Variants in RNF152 observed in about 807,000 individuals in gnomAD.
RNF152 encodes the protein E3 ubiquitin-protein ligase RNF152.
RNF152 carries 11 observed loss-of-function variants against 12.7 expected under a neutral mutation model. The ratio of observed to expected loss-of-function variants is 0.86; its 90% confidence interval spans 0.54 to 1.43. The LOEUF (loss-of-function observed/expected upper bound fraction) is 1.43. RNF152 is among the 40% of genes most tolerant of loss of function. The pLI, the probability that RNF152 is intolerant of heterozygous loss-of-function variation, is 0.00. For synonymous variants in RNF152, 113 were observed against 120.3 expected, an observed-to-expected ratio of 0.94 and a Z score of 0.40; for missense variants, 255 against 274.8, an observed-to-expected ratio of 0.93 and a Z score of 0.51.
rs1909026923 is a variant in RNF152 at position 61,815,617 on chromosome 18, C to T, written c.*235G>A. 3 of 528,270 alleles carry T rather than the reference C, an allele frequency of 5.7e-6. No individual in the cohort carries two copies. The South Asian group carries it at 8.0e-5, about 14-fold the overall frequency. 32.7% of individuals were successfully genotyped at this position (528,270 alleles called of 1,614,324 possible). A position where few individuals can be genotyped will look rare whatever the true frequency, so the allele number is the denominator to read the frequency against. ...CATTGAATACATGATTATGAGGATG[C>T]ATGCAATCATCTTCCAAGCTGTTGC... On this transcript the variant is annotated 3_prime_UTR_variant, in exon 2 of 2. Coordinates refer to ENST00000312828, the MANE Select transcript of RNF152 (RefSeq NM_173557.3).
intron 1 of RNF152, among the ~76,000 whole-genome samples, chr18:61,843,865 G>C (rs1197609176): frequency 6.6e-6 from 1 of 151,932 alleles, no homozygotes; most frequent in South Asian, 2.1e-4. Context: ...AAAGAGTTAC[G>C]AAGATGGATG....
chr18:61,883,532 T>C (rs1284854832), intron 1 of RNF152, among the ~76,000 whole-genome samples: 1 of 152,148 alleles, frequency 6.6e-6, no homozygotes, highest in Non-Finnish European at 1.5e-5. Context: ...GTTAGATCTC[T>C]ACAAAGCCTG....
intron 1 of RNF152, among the ~76,000 whole-genome samples, chr18:61,835,870 C>A (rs1160311057): frequency 6.6e-6 from 1 of 152,116 alleles, no homozygotes; most frequent in Admixed American, 6.5e-5. Flanking sequence ...TATGCTAAAA[C>A]AAATAAGCAA....
At chr18:61,888,508 A>C (rs2144773219) in intron 1 of RNF152, 1 of 152,296 alleles carries the variant, frequency 6.6e-6, no homozygotes, top group Admixed American at 6.5e-5. Flanking sequence ...AAACTACATG[A>C]GATATTTGAT....
At chr18:61,849,581 T>C (rs1323820293) in intron 1 of RNF152, among the ~76,000 whole-genome samples, 1 of 152,176 alleles carries the variant, frequency 6.6e-6, no homozygotes, top group African/African-American at 2.4e-5. Context: ...AGAAAGAAAT[T>C]TCAAAATTTA....
rs866088510 is a variant in RNF152, at chr18:61,810,500, T to C, written c.*5352A>G. ...GTCTCTACTTTAAAAAATACAAAAT[T>C]AGCTGGGCATGGAGGCGCATGCCTA... On this transcript the variant is annotated 3_prime_UTR_variant, in exon 2 of 2. Coordinates refer to ENST00000312828, the MANE Select transcript of RNF152 (RefSeq NM_173557.3). The C allele has an allele frequency of 1.1e-4, 16 of 152,054 alleles. No individual in the cohort carries two copies. Among genetic ancestry groups the C allele is most frequent in the African/African-American group, 3.9e-4 (16 of 41,398 alleles). 9.4% of individuals were successfully genotyped at this position (152,054 alleles called of 1,614,324 possible).
At chr18:61,828,171 C>A (rs1178855866) in intron 1 of RNF152, among the ~76,000 whole-genome samples, 1 of 152,246 alleles carries the variant, frequency 6.6e-6, no homozygotes, top group Admixed American at 6.5e-5. Flanking sequence ...GCAGTTCATA[C>A]ATCTGCCCCT....
chr18:61,808,826 A>C lies in RNF152; in HGVS notation c.*7026T>G, dbSNP rs138187760. Reference sequence around the variant, plus strand: ...TAAGAGGATTCTAGAGTCTGTCTGCACTGACGTGGCAACCAACTCTAGAGC... The same window carrying C: ...TAAGAGGATTCTAGAGTCTGTCTGCCCTGACGTGGCAACCAACTCTAGAGC... On this transcript the variant is annotated 3_prime_UTR_variant, in exon 2 of 2. Coordinates refer to ENST00000312828, the MANE Select transcript of RNF152 (RefSeq NM_173557.3). 1.3e-5 allele frequency: 2 copies of C among 152,400 alleles called. No homozygotes were observed. Among genetic ancestry groups the C allele is most frequent in the East Asian group, 3.9e-4 (2 of 5,192 alleles). The allele number at this position is 152,400 out of a possible 1,614,324, so 9.4% of individuals were successfully genotyped here.
chr18:61,830,788 T>C (rs563785063), intron 1 of RNF152, among the ~76,000 whole-genome samples: 1 of 152,200 alleles, frequency 6.6e-6, no homozygotes, highest in Admixed American at 6.5e-5. Context: ...GATCCCTGAT[T>C]TCTCAGTGAG....
intron 1 of RNF152, among the ~76,000 whole-genome samples, chr18:61,826,686 T>C (rs1400210590): frequency 6.6e-6 from 1 of 152,100 alleles, no homozygotes; most frequent in East Asian, 1.9e-4. Context: ...CAGGCTATTA[T>C]TTGTTGACCT....
intron 1 of RNF152, among the ~76,000 whole-genome samples, chr18:61,867,313 A>C (rs1415459898): frequency 6.6e-6 from 1 of 152,076 alleles, no homozygotes; most frequent in African/African-American, 2.4e-5. Flanking sequence ...TTAGTTGGGT[A>C]TGGTGGCATG....
At chr18:61,842,661 G>A (rs1568274341) in intron 1 of RNF152, among the ~76,000 whole-genome samples, 1 of 152,164 alleles carries the variant, frequency 6.6e-6, no homozygotes, top group African/African-American at 2.4e-5. Context: ...CCTGAGACTG[G>A]GCAATTTACA....
chr18:61,853,436 C>A (rs1306616296), intron 1 of RNF152, among the ~76,000 whole-genome samples: 2 of 151,924 alleles, frequency 1.3e-5, no homozygotes, highest in Non-Finnish European at 2.9e-5. Context: ...ACTACAGGCA[C>A]ATGCCACCAG....
chr18:61,861,034 T>A (rs1300847754), intron 1 of RNF152, among the ~76,000 whole-genome samples: 2 of 152,106 alleles, frequency 1.3e-5, no homozygotes, highest in Non-Finnish European at 2.9e-5. Context: ...TAAAAAAGAG[T>A]CAAAAAGTTA....
intron 1 of RNF152, among the ~76,000 whole-genome samples, chr18:61,843,195 T>C (rs899572661): frequency 6.6e-6 from 1 of 152,200 alleles, no homozygotes; most frequent in Non-Finnish European, 1.5e-5. Flanking sequence ...CTGAGAAAAC[T>C]ATTTTCTTTT....
intron 1 of RNF152, among the ~76,000 whole-genome samples, chr18:61,852,392 G>A (rs1911022958): frequency 6.6e-6 from 1 of 152,134 alleles, no homozygotes; most frequent in South Asian, 2.1e-4. Context: ...CCAATCTGTG[G>A]TGCTGAACAT....
chr18:61,876,831 T>A (rs983135207), intron 1 of RNF152, among the ~76,000 whole-genome samples: 3 of 152,180 alleles, frequency 2.0e-5, no homozygotes, highest in Admixed American at 6.5e-5. Context: ...GGCGTAAGTG[T>A]CAGTCTTATG....
At chr18:61,860,326 C>T (rs761861429) in intron 1 of RNF152, among the ~76,000 whole-genome samples, 4 of 152,190 alleles carry the variant, frequency 2.6e-5, no homozygotes, top group Admixed American at 6.5e-5. Flanking sequence ...AAAACCCTCC[C>T]GATTCAGAAG....
chr18:61,892,902 C>A lies in RNF152; in HGVS notation c.-243G>T, dbSNP rs1913026069. 6.6e-6 allele frequency: 1 copy of A among 152,260 alleles called. No individual in the cohort carries two copies. The highest frequency in any genetic ancestry group is 1.5e-5 in the Non-Finnish European group (1 of 68,098). 9.4% of individuals were successfully genotyped at this position (152,260 alleles called of 1,614,324 possible). Reference sequence around the variant, plus strand: ...TGACAGGCAGGAAACACAATTGAGACTGAGCTTTCTTCAGCCTGCAGTGAA... The same window carrying A: ...TGACAGGCAGGAAACACAATTGAGAATGAGCTTTCTTCAGCCTGCAGTGAA... On this transcript the variant is annotated 5_prime_UTR_variant, in exon 1 of 2. Transcript: ENST00000312828.
Sources: allele counts gnomAD v4.1 joint callset (sites outside exome capture counted in the v4.1 genomes callset), GRCh38; gene constraint gnomAD v4.1.1; transcripts MANE v1.5; gene names NCBI Gene and HGNC (gene_info 2026-07-23, HGNC 2026-07-21).